Variants in BTBD9 observed in about 807,000 individuals in gnomAD.
BTBD9 encodes the protein BTB domain containing 9.
In BTBD9, 49 loss-of-function variants were observed where a neutral mutation model predicts 64.3. That is an observed-to-expected ratio of 0.76 (90% CI 0.61 to 0.97). The LOEUF (loss-of-function observed/expected upper bound fraction) is 0.97, where lower values mean the gene tolerates loss of function less well. Among genes scored for constraint, BTBD9 ranks in the 50% least tolerant of loss-of-function variants. The probability of loss-of-function intolerance (pLI) is 0.00; values close to 1 mark genes in which losing one functional copy is unlikely to be tolerated. For synonymous variants in BTBD9, 260 were observed against 274.7 expected, an observed-to-expected ratio of 0.95 and a Z score of 0.53; for missense variants, 598 against 762.1, an observed-to-expected ratio of 0.78 and a Z score of 2.53.
intron 6 of BTBD9, among the ~76,000 whole-genome samples, chr6:38,383,232 T>A (rs1766012502): frequency 6.6e-6 from 1 of 152,148 alleles, no homozygotes; most frequent in Non-Finnish European, 1.5e-5. Flanking sequence ...ACAATATAAT[T>A]CACACATTAA....
intron 6 of BTBD9, among the ~76,000 whole-genome samples, chr6:38,418,100 T>C (rs1374928464): frequency 6.6e-6 from 1 of 152,110 alleles, no homozygotes; most frequent in Admixed American, 6.5e-5. Context: ...TTATGGCCCA[T>C]AAAAAGTCAG....
At chr6:38,633,860 A>G (rs1778441966) in intron 1 of BTBD9, among the ~76,000 whole-genome samples, 1 of 151,882 alleles carries the variant, frequency 6.6e-6, no homozygotes, top group South Asian at 2.1e-4. Context: ...CCCCTTGAAT[A>G]CATAAGGCTG....
chr6:38,370,875 G>A (rs1364397604), intron 6 of BTBD9, among the ~76,000 whole-genome samples: 1 of 152,208 alleles, frequency 6.6e-6, no homozygotes, highest in African/African-American at 2.4e-5. Flanking sequence ...ATCTGAGGGT[G>A]AGGGCCTGGT....
chr6:38,426,382 C>T (rs1173851738), intron 6 of BTBD9, among the ~76,000 whole-genome samples: 2 of 151,952 alleles, frequency 1.3e-5, no homozygotes, highest in Admixed American at 6.6e-5. Flanking sequence ...CCCAGGCATT[C>T]GAGCGGGCAA....
At chr6:38,258,985 C>G (rs993954405) in intron 8 of BTBD9, among the ~76,000 whole-genome samples, 1 of 152,210 alleles carries the variant, frequency 6.6e-6, no homozygotes, top group Admixed American at 6.5e-5. Flanking sequence ...GTTAAGTGCT[C>G]TGTACAATTC....
chr6:38,360,364 G>C (rs963473249), intron 6 of BTBD9, among the ~76,000 whole-genome samples: 1 of 152,040 alleles, frequency 6.6e-6, no homozygotes, highest in African/African-American at 2.4e-5. Flanking sequence ...AATTTATTTA[G>C]CATTTTTATT....
At chr6:38,217,152 C>CAAA (rs35599057) in intron 9 of BTBD9, among the ~76,000 whole-genome samples, 1 of 121,832 alleles carries the variant, frequency 8.2e-6, no homozygotes, top group Admixed American at 8.5e-5. Flanking sequence ...ACTAAGGATA[C>CAAA]AAAAAAAAAA....
intron 7 of BTBD9, among the ~76,000 whole-genome samples, chr6:38,303,840 GATATATATATATATATATATAT>G (rs70981538): frequency 5.3e-5 from 4 of 75,320 alleles, no homozygotes; most frequent in South Asian, 7.9e-4. Context: ...TTAGTTGCTA[GATATATATATATATATATATAT>G]ATATATATAT....
At chr6:38,607,516 A>G (rs1169776799) in intron 1 of BTBD9, among the ~76,000 whole-genome samples, 3 of 152,174 alleles carry the variant, frequency 2.0e-5, no homozygotes, top group African/African-American at 4.8e-5. Context: ...CACATTTTGC[A>G]TACTCTTAAT....
intron 6 of BTBD9, among the ~76,000 whole-genome samples, chr6:38,556,573 G>A (rs923327217): frequency 7.0e-6 from 1 of 143,456 alleles, no homozygotes; most frequent in Non-Finnish European, 1.5e-5. Flanking sequence ...GAGAGAGAGA[G>A]AGATTTGATC....
chr6:38,547,216 G>A (rs1774593447), intron 6 of BTBD9, among the ~76,000 whole-genome samples: 1 of 152,114 alleles, frequency 6.6e-6, no homozygotes, highest in East Asian at 1.9e-4. Flanking sequence ...CAAGTGAAAG[G>A]AAGAGTGACA....
intron 9 of BTBD9, among the ~76,000 whole-genome samples, chr6:38,207,988 T>C (rs1049643008): frequency 6.6e-6 from 1 of 152,082 alleles, no homozygotes; most frequent in African/African-American, 2.4e-5. Context: ...ATAATTTTTT[T>C]TAATTACAAT....
intron 6 of BTBD9, among the ~76,000 whole-genome samples, chr6:38,421,965 A>C (rs1353069797): frequency 6.6e-6 from 1 of 152,212 alleles, no homozygotes; most frequent in East Asian, 1.9e-4. Flanking sequence ...ACAGGTTCAG[A>C]ATGAAGCATA....
At chr6:38,490,984 A>T (rs1289838297) in intron 6 of BTBD9, among the ~76,000 whole-genome samples, 1 of 152,224 alleles carries the variant, frequency 6.6e-6, no homozygotes, top group Non-Finnish European at 1.5e-5. Flanking sequence ...ATATGGGCAT[A>T]AAAGCCAGAA....
chr6:38,204,264 T>C (rs1315633243), intron 9 of BTBD9, among the ~76,000 whole-genome samples: 1 of 130,656 alleles, frequency 7.7e-6, no homozygotes, highest in East Asian at 1.9e-4. Flanking sequence ...ACACAAAAAC[T>C]TGTTCATGAA....
chr6:38,387,041 G>A (rs1766203799), intron 6 of BTBD9, among the ~76,000 whole-genome samples: 1 of 152,182 alleles, frequency 6.6e-6, no homozygotes, highest in Non-Finnish European at 1.5e-5. Flanking sequence ...CATCTCTAAA[G>A]TGACATTCTA....
chr6:38,292,008 C>A (rs1156873736), intron 7 of BTBD9, among the ~76,000 whole-genome samples: 1 of 151,368 alleles, frequency 6.6e-6, no homozygotes, highest in East Asian at 1.9e-4. Context: ...GTTGCCCAGG[C>A]CGGAGTGCAG....
At chr6:38,609,893 G>C (rs1777554039) in intron 1 of BTBD9, among the ~76,000 whole-genome samples, 1 of 152,174 alleles carries the variant, frequency 6.6e-6, no homozygotes, top group African/African-American at 2.4e-5. Flanking sequence ...ACCAACTTGG[G>C]ATGTCACTGA....
chr6:38,458,711 C>A (rs570034212), intron 6 of BTBD9, among the ~76,000 whole-genome samples: 1 of 152,178 alleles, frequency 6.6e-6, no homozygotes, highest in Non-Finnish European at 1.5e-5. Context: ...ACAACACACA[C>A]AAAATCTCAC....
Sources: allele counts gnomAD v4.1 joint callset (sites outside exome capture counted in the v4.1 genomes callset), GRCh38; gene constraint gnomAD v4.1.1; transcripts MANE v1.5; gene names NCBI Gene and HGNC (gene_info 2026-07-23, HGNC 2026-07-21).